The following ZFYVE26 variants were observed in gnomAD, a reference collection of about 807,000 sequenced individuals.
ZFYVE26 encodes the protein zinc finger FYVE-type containing 26, also known as zinc finger FYVE domain-containing protein 26.
A neutral mutation model predicts 276.5 loss-of-function variants in ZFYVE26; 181 were observed. The ratio of observed to expected loss-of-function variants is 0.65; its 90% CI spans 0.58 to 0.74. The LOEUF (loss-of-function observed/expected upper bound fraction) is 0.74. ZFYVE26 is among the 30% of genes least tolerant of loss of function. The probability of loss-of-function intolerance (pLI) is 0.00; values close to 1 mark genes in which losing one functional copy is unlikely to be tolerated. For missense variants in ZFYVE26, 2,821 were observed against 3,097.9 expected (o/e 0.91, Z 2.12); for synonymous variants, 1,129 against 1,203.1 (o/e 0.94, Z 1.27).
intron 13 of ZFYVE26, among the ~76,000 whole-genome samples, chr14:67,736,711 T>C (rs1470434313): frequency 6.6e-6 from 1 of 152,238 alleles, no homozygotes. Flanking sequence ...TTTTACGTTA[T>C]GTATTCTAGA....
Position 67,783,139 on chromosome 14 carries a change from T to C in ZFYVE26, c.4013A>G (p.Glu1338Gly). Residue 1338 changes from glutamate to glycine, a missense_variant, in exon 21 of 42, where the codon GAA (glutamate) becomes GGA (glycine). Physicochemically the swap from Glu to Gly is moderately conservative, Grantham distance 98. Transcript: ENST00000347230. ...AGGCACCTCCCTGCGGCCACGAAGT[T>C]CCTTCCATGACAAGCTGGGTTTGCT... ...KVSKPSLSWK[E>G]LRGRREVPLA... The C allele has an allele frequency of 1.2e-6, 2 of 1,608,020 alleles. No homozygotes were observed. Among genetic ancestry groups the C allele is most frequent in the Non-Finnish European group, 1.7e-6 (2 of 1,175,742 alleles).
intron 13 of ZFYVE26, among the ~76,000 whole-genome samples, chr14:67,741,501 C>A (rs1040238079): frequency 6.6e-6 from 1 of 152,118 alleles, no homozygotes. Context: ...AGAAGAGGGA[C>A]CTTTGATGTG....
At chr14:67,799,660 G>A in intron 10 of ZFYVE26, 1 of 1,278,236 alleles carries the variant, frequency 7.8e-7, no homozygotes, top group Non-Finnish European at 1.1e-6. Flanking sequence ...GCCATGGTAG[G>A]CAAGGTGCTG....
chr14:67,730,995 A>T (rs2038263874), intron 13 of ZFYVE26, among the ~76,000 whole-genome samples: 3 of 152,196 alleles, frequency 2.0e-5, no homozygotes, highest in Admixed American at 2.0e-4. Context: ...GATAAAAGAT[A>T]TCTCATTTTT....
chr14:67,749,409 G>A (rs909354355), intron 41 of ZFYVE26, among the ~76,000 whole-genome samples: 4 of 152,032 alleles, frequency 2.6e-5, no homozygotes, highest in African/African-American at 7.3e-5. Flanking sequence ...TCCCAGGATC[G>A]CTATCTCATG....
intron 23 of ZFYVE26, among the ~76,000 whole-genome samples, chr14:67,779,957 C>T (rs1048173457): frequency 2.0e-5 from 3 of 151,960 alleles, no homozygotes; most frequent in Non-Finnish European, 2.9e-5. Context: ...CTGCAAGCTC[C>T]GCCTCCTGGG....
chr14:67,802,293 AAG>A lies in ZFYVE26; in HGVS notation c.1436-13_1436-12del, dbSNP rs1566895079. ...GAGCATCAACTGCATCTGAATTACA[AAG>A]AGAAACAGGCTGAACTTGAGAGTTA... is the stretch of plus-strand genomic sequence containing the variant. On this transcript the variant is annotated splice_polypyrimidine_tract_variant and intron_variant, in intron 9 of 41. Coordinates refer to ENST00000347230, the MANE Select transcript of ZFYVE26 (RefSeq NM_015346.4). 1.9e-6 allele frequency: 3 copies of A among 1,613,950 alleles called. No individual in the cohort carries two copies. Among genetic ancestry groups the A allele is most frequent in the Non-Finnish European group, 2.5e-6 (3 of 1,179,884 alleles).
At chr14:67,762,108 ACT>A in intron 34 of ZFYVE26, 93 bp downstream of exon 34, 1 of 1,450,150 alleles carries the variant, frequency 6.9e-7, no homozygotes, top group Non-Finnish European at 9.6e-7. Flanking sequence ...CAGGACTGAC[ACT>A]GTTAGCTGAA....
At chr14:67,729,158 G>T in intron 14 of ZFYVE26, 1 of 1,606,536 alleles carries the variant, frequency 6.2e-7, no homozygotes, top group Non-Finnish European at 8.5e-7. Flanking sequence ...CTCAGAGTGT[G>T]TCCCTGATCT....
intron 13 of ZFYVE26, among the ~76,000 whole-genome samples, chr14:67,731,207 C>CTTTTTTTTTTTTTTTTTTTTT (rs71129853): frequency 1.1e-5 from 1 of 90,622 alleles, no homozygotes; most frequent in African/African-American, 4.9e-5. Flanking sequence ...TTCTTTCTTT[C>CTTTTTTTTTTTTTTTTTTTTT]TTTTTTTTTT....
In ZFYVE26 at chr14:67,775,101, G is replaced by T; in HGVS notation, c.5235C>A (p.His1745Gln). ...QREKRSDSVI[H>Q]LQEIVHQAAD... ...CAGCCTGGTGGACAATTTCTTGGAGGTGAATCACAGAATCTGTAGAGAGGG... is the reference window on the plus strand; with the variant it reads ...CAGCCTGGTGGACAATTTCTTGGAGTTGAATCACAGAATCTGTAGAGAGGG... The change falls in exon 27 of 42, where the codon CAC becomes CAA. Residue 1745 changes from histidine (H) to glutamine (Q), a missense_variant. By Grantham distance (24) the His-to-Gln change is conservative. Coordinates refer to ENST00000347230, the MANE Select transcript of ZFYVE26 (RefSeq NM_015346.4). The T allele has an allele frequency of 2.5e-6, 4 of 1,609,560 alleles. No homozygotes were observed. Among genetic ancestry groups the T allele is most frequent in the Non-Finnish European group, 3.4e-6 (4 of 1,178,012 alleles).
chr14:67,786,262 CAAA>C, intron 16 of ZFYVE26, 29 bp from the exon 17 acceptor site: 1 of 1,281,168 alleles, frequency 7.8e-7, no homozygotes, highest in Non-Finnish European at 1.0e-6. Flanking sequence ...AGAGGGAATG[CAAA>C]AAAAAAAAAT....
intron 13 of ZFYVE26, among the ~76,000 whole-genome samples, chr14:67,740,373 C>A (rs1046488262): frequency 4.0e-5 from 6 of 151,678 alleles, no homozygotes; most frequent in African/African-American, 1.5e-4. Context: ...GATTATTTTT[C>A]TTTTAAAATA....
chr14:67,749,518 G>A (rs1355444705), intron 41 of ZFYVE26, among the ~76,000 whole-genome samples: 1 of 152,130 alleles, frequency 6.6e-6, no homozygotes, highest in Non-Finnish European at 1.5e-5. Context: ...GAGCAGAGAG[G>A]CCTTCATAAG....
intron 39 of ZFYVE26, 110 bp from the exon 40 acceptor site, chr14:67,752,636 T>C (rs2038680080): frequency 1.7e-6 from 2 of 1,194,826 alleles, no homozygotes; most frequent in East Asian, 2.4e-5. Flanking sequence ...GCCATATTGA[T>C]TGTGGTCACA....
At chr14:67,808,940 C>G (rs1364091494) in intron 4 of ZFYVE26, among the ~76,000 whole-genome samples, 1 of 151,996 alleles carries the variant, frequency 6.6e-6, no homozygotes, top group Non-Finnish European at 1.5e-5. Flanking sequence ...GTTCCTTGTC[C>G]CCTTCATATT....
At chr14:67,735,529 CG>C (rs928402844) in intron 13 of ZFYVE26, among the ~76,000 whole-genome samples, 2 of 152,232 alleles carry the variant, frequency 1.3e-5, no homozygotes, top group African/African-American at 4.8e-5. Context: ...CTGCAACCTT[CG>C]GGGCTGTTTT....
rs745982383 is a variant in ZFYVE26 at position 67,753,780 on chromosome 14, G to A, written c.7129-14C>T. 6.9e-6 allele frequency: 11 copies of A among 1,603,522 alleles called. No homozygotes were observed. The highest frequency in any genetic ancestry group is 2.7e-5 in the African/African-American group (2 of 73,468). Reference sequence around the variant, plus strand: ...TCCCAGCATGACCTGAAAAGGAAAGGGAATCATGCTTAAAAACATGGCAAT... The same window carrying A: ...TCCCAGCATGACCTGAAAAGGAAAGAGAATCATGCTTAAAAACATGGCAAT... On this transcript the variant is annotated splice_polypyrimidine_tract_variant and intron_variant, in intron 38 of 41. Coordinates refer to ENST00000347230, the MANE Select transcript of ZFYVE26 (RefSeq NM_015346.4).
chr14:67,797,277 G>A, intron 12 of ZFYVE26: 1 of 304,236 alleles, frequency 3.3e-6, no homozygotes, highest in South Asian at 3.1e-5. Flanking sequence ...GTTTATAATG[G>A]TAAACAACTG....
Sources: gnomAD v4.1 joint callset for allele counts (sites outside exome capture counted in the v4.1 genomes callset) on GRCh38, gnomAD v4.1.1 for gene constraint, MANE v1.5 for transcripts, NCBI Gene and HGNC (gene_info 2026-07-23, HGNC 2026-07-21) for gene names.